The following ANKFN1 variants were observed in gnomAD, a reference collection of about 807,000 sequenced individuals.
The protein encoded by ANKFN1 is ankyrin repeat and fibronectin type-III domain-containing protein 1.
Under a neutral mutation model 108.7 loss-of-function variants are expected in ANKFN1, and 74 were observed. The ratio of observed to expected loss-of-function variants is 0.68; its 90% CI spans 0.56 to 0.83. The LOEUF (loss-of-function observed/expected upper bound fraction) is 0.83. Among genes scored for constraint, ANKFN1 ranks in the 40% least tolerant of loss-of-function variants. The pLI is 0.00. For missense variants in ANKFN1, 1,505 were observed against 1,382.3 expected (o/e 1.09, Z -1.41); for synonymous variants, 547 against 516.2 (o/e 1.06, Z -0.81).
chr17:56,093,960 G>A (rs772422717), intron 4 of ANKFN1, among the ~76,000 whole-genome samples: 2 of 151,174 alleles, frequency 1.3e-5, no homozygotes, highest in Non-Finnish European at 3.0e-5. Flanking sequence ...TGAAGTAATC[G>A]GGTAAGTCCT....
intron 4 of ANKFN1, among the ~76,000 whole-genome samples, chr17:56,345,363 G>A (rs1367812731): frequency 2.0e-5 from 3 of 152,154 alleles, no homozygotes; most frequent in African/African-American, 7.2e-5. Context: ...ACATGTGCAT[G>A]TGTCTTTATA....
At chr17:56,304,512 A>T (rs146668129) in intron 3 of ANKFN1, among the ~76,000 whole-genome samples, 2 of 152,282 alleles carry the variant, frequency 1.3e-5, no homozygotes, top group East Asian at 3.9e-4. Context: ...AATGCCTAGT[A>T]GTGCAGTTGC....
At chr17:56,251,601 A>C (rs1415734559) in intron 3 of ANKFN1, among the ~76,000 whole-genome samples, 1 of 152,104 alleles carries the variant, frequency 6.6e-6, no homozygotes, top group African/African-American at 2.4e-5. Context: ...GTTTGTCCCC[A>C]TTGTCCAAGG....
intron 20 of ANKFN1, among the ~76,000 whole-genome samples, chr17:56,505,494 A>G (rs1023538387): frequency 6.6e-6 from 1 of 152,216 alleles, no homozygotes; most frequent in Non-Finnish European, 1.5e-5. Flanking sequence ...AAGATTCTAC[A>G]CATCCCTTTG....
At chr17:56,278,651 A>G (rs2043995505) in intron 3 of ANKFN1, among the ~76,000 whole-genome samples, 1 of 152,220 alleles carries the variant, frequency 6.6e-6, no homozygotes, top group South Asian at 2.1e-4. Flanking sequence ...GTATTTTTTT[A>G]AGTTCTATTT....
At chr17:56,395,017 G>T (rs2144895877) in intron 8 of ANKFN1, among the ~76,000 whole-genome samples, 1 of 152,326 alleles carries the variant, frequency 6.6e-6, no homozygotes, top group African/African-American at 2.4e-5. Flanking sequence ...GGCCTCTCCA[G>T]TCCCTGAAGG....
At chr17:56,294,065 G>A (rs2044441908) in intron 3 of ANKFN1, among the ~76,000 whole-genome samples, 1 of 152,314 alleles carries the variant, frequency 6.6e-6, no homozygotes, top group South Asian at 2.1e-4. Context: ...TCCCTGATTA[G>A]CAAATTGTTG....
intron 8 of ANKFN1, among the ~76,000 whole-genome samples, chr17:56,383,797 A>G (rs145991021): frequency 0.76 from 114,972 of 152,024 alleles, 43,676 homozygotes; most frequent in East Asian, 0.96. Context: ...TTGAATCTCT[A>G]AATAGACCAA....
intron 2 of ANKFN1, among the ~76,000 whole-genome samples, 189 bp from the exon 3 acceptor site, chr17:56,227,728 G>GT (rs1168012558): frequency 1.3e-5 from 2 of 151,956 alleles, no homozygotes; most frequent in African/African-American, 4.8e-5. Context: ...TAGCATGAAT[G>GT]TTTTTTCTTT....
chr17:56,424,700 C>T (rs957254731), intron 8 of ANKFN1, among the ~76,000 whole-genome samples: 9 of 152,166 alleles, frequency 5.9e-5, no homozygotes, highest in African/African-American at 1.7e-4. Flanking sequence ...GTATTTGCTC[C>T]AATCCCTAAT....
rs2051836437 is a variant in ANKFN1, at chr17:56,513,581, G to A, written c.*2312G>A. The stretch of plus-strand genomic sequence containing the variant: ...TCTGGTGGCATAGGAGGAAGTTTGT[G>A]ACTGAATCAGGTGGGAGGCATTCAA... On this transcript the variant is annotated 3_prime_UTR_variant, in exon 21 of 21. Transcript: ENST00000682825. 6.6e-6 allele frequency among the ~76,000 whole-genome samples: 1 copy of A among 152,166 alleles called. No homozygotes were observed.
At chr17:56,060,441 G>T (rs1412816722) in intron 4 of ANKFN1, among the ~76,000 whole-genome samples, 2 of 152,128 alleles carry the variant, frequency 1.3e-5, no homozygotes, top group Non-Finnish European at 2.9e-5. Context: ...TTGCCTGATT[G>T]CCCTGGCCAG....
At chr17:56,253,977 C>A (rs1461049803) in intron 3 of ANKFN1, 1 of 152,130 alleles carries the variant, frequency 6.6e-6, no homozygotes, top group African/African-American at 2.4e-5. Context: ...GAGTTTTTAA[C>A]AACGACTGTG....
rs74256710 is a variant in ANKFN1 at position 56,420,679 on chromosome 17, C to T, written c.911-19648C>T. On this transcript the variant is annotated intron_variant, in intron 8 of 20. Coordinates refer to ENST00000682825, the MANE Select transcript of ANKFN1 (RefSeq NM_001370326.1). Reference sequence around the variant, plus strand: ...ATATTCTATGTTGCTTCTTCTGACTCCTTCTTTTTTTTTTTTTTTTTTTTA... The same window carrying T: ...ATATTCTATGTTGCTTCTTCTGACTTCTTCTTTTTTTTTTTTTTTTTTTTA... Among the ~76,000 whole-genome samples the T allele has an allele frequency of 4.6e-4, 65 of 140,686 alleles. 1 individual carries two copies. The East Asian group carries it at 9.9e-3, about 21-fold the overall frequency. 92.3% of individuals were successfully genotyped at this position (140,686 alleles called of 152,430 possible). A position where few individuals can be genotyped will look rare whatever the true frequency, so the allele number is the denominator to read the frequency against.
chr17:56,048,210 C>G (rs1167161095), intron 4 of ANKFN1, among the ~76,000 whole-genome samples: 1 of 151,954 alleles, frequency 6.6e-6, no homozygotes, highest in Non-Finnish European at 1.5e-5. Context: ...ATGCTGTAAT[C>G]TGTTTAGCAA....
intron 3 of ANKFN1, among the ~76,000 whole-genome samples, chr17:56,304,946 T>C (rs2044775188): frequency 2.6e-5 from 4 of 152,192 alleles, no homozygotes; most frequent in Admixed American, 2.0e-4. Flanking sequence ...AGATACTTGT[T>C]CTTTGTCAGA....
intron 14 of ANKFN1, among the ~76,000 whole-genome samples, chr17:56,461,838 C>A (rs890919165): frequency 2.6e-5 from 4 of 152,132 alleles, no homozygotes; most frequent in Non-Finnish European, 5.9e-5. Flanking sequence ...AACCCATGTA[C>A]CCCAGTGATC....
chr17:56,237,425 A>T (rs940605241), intron 3 of ANKFN1, among the ~76,000 whole-genome samples: 1 of 151,984 alleles, frequency 6.6e-6, no homozygotes, highest in Non-Finnish European at 1.5e-5. Flanking sequence ...CCTTTCTTTA[A>T]TCGGTAGGCT....
At chr17:56,085,224 C>T (rs1905296254) in intron 4 of ANKFN1, among the ~76,000 whole-genome samples, 1 of 143,136 alleles carries the variant, frequency 7.0e-6, no homozygotes, top group Non-Finnish European at 1.5e-5. Flanking sequence ...CATCCTAATC[C>T]TGGGAACCTG....
Sources: gnomAD v4.1 joint callset for allele counts (sites outside exome capture counted in the v4.1 genomes callset) on GRCh38, gnomAD v4.1.1 for gene constraint, MANE v1.5 for transcripts, NCBI Gene and HGNC (gene_info 2026-07-23, HGNC 2026-07-21) for gene names.